Variants in ZC3H7A observed in about 807,000 individuals in gnomAD.
The protein encoded by ZC3H7A is zinc finger CCCH domain-containing protein 7A.
Under a neutral mutation model 125.5 loss-of-function variants are expected in ZC3H7A, and 44 were observed. The observed-to-expected ratio is 0.35, with a 90% confidence interval of 0.28 to 0.45. The LOEUF is 0.45. Among genes scored for constraint, ZC3H7A ranks in the 20% least tolerant of loss-of-function variants. The pLI, the probability that ZC3H7A is intolerant of heterozygous loss-of-function variation, is 1.00. For missense variants in ZC3H7A, 977 were observed against 1,170.7 expected (o/e 0.83, Z 2.41); for synonymous variants, 399 against 391.2 (o/e 1.02, Z -0.23).
At chr16:11,780,609 G>A (rs980718690) in intron 3 of ZC3H7A, among the ~76,000 whole-genome samples, 1 of 152,092 alleles carries the variant, frequency 6.6e-6, no homozygotes, top group Non-Finnish European at 1.5e-5. Context: ...TTAGACCCCA[G>A]GTCCACGTGC....
At chr16:11,781,554 A>C in intron 2 of ZC3H7A, 90 bp from the exon 3 acceptor site, 1 of 1,341,338 alleles carries the variant, frequency 7.5e-7, no homozygotes. Flanking sequence ...TGGTTCCATT[A>C]GCTTGCCACT....
intron 21 of ZC3H7A, among the ~76,000 whole-genome samples, chr16:11,755,908 T>C (rs1010185673): frequency 6.6e-6 from 1 of 152,130 alleles, no homozygotes; most frequent in East Asian, 1.9e-4. Context: ...CTCACGCTTG[T>C]AATCCCAGCA....
At chr16:11,769,164 T>C (rs2052922717) in intron 10 of ZC3H7A, 69 bp from the exon 11 acceptor site, 1 of 1,375,824 alleles carries the variant, frequency 7.3e-7, no homozygotes. Flanking sequence ...CAGGGCTTAG[T>C]AGCTTACTGG....
In ZC3H7A at chr16:11,785,346, TA is replaced by T. The variant is rs113419858; in HGVS notation, c.-34-2959del. 2.7e-3 allele frequency among the ~76,000 whole-genome samples: 368 copies of T among 134,504 alleles called. 1 individual carries two copies. The highest frequency in any genetic ancestry group is 9.1e-3 in the African/African-American group (331 of 36,306). The allele number at this position is 134,504 out of a possible 152,430, so 88.2% of individuals were successfully genotyped here. ...AGAGTGAGACCTTGCCTCGAAAAAA[TA>T]AAAAAAAAAGCAACCGGGTGTGGTG... On this transcript the variant is annotated intron_variant, in intron 1 of 22. Coordinates refer to ENST00000355758, the MANE Select transcript of ZC3H7A (RefSeq NM_014153.4).
chr16:11,784,540 GA>G (rs2053223684), intron 1 of ZC3H7A, among the ~76,000 whole-genome samples: 1 of 151,706 alleles, frequency 6.6e-6, no homozygotes, highest in East Asian at 1.9e-4. Flanking sequence ...GCAACACAGG[GA>G]GACCCCCTAT....
Position 11,776,302 on chromosome 16 carries a change from C to T in ZC3H7A, c.585+18G>A. 1 of 1,589,178 alleles carries T rather than the reference C, an allele frequency of 6.3e-7. No homozygotes were observed. The highest frequency in any genetic ancestry group is 1.2e-5 in the South Asian group (1 of 85,402). ...CCTTTAAAAAAAAATATAATTTTGACAGAAAAAATAACTTTACCTTGGTAG... is the reference window on the plus strand; with the variant it reads ...CCTTTAAAAAAAAATATAATTTTGATAGAAAAAATAACTTTACCTTGGTAG... On this transcript the variant is annotated intron_variant, in intron 7 of 22. Coordinates refer to ENST00000355758, the MANE Select transcript of ZC3H7A (RefSeq NM_014153.4).
rs578197654 is a variant in ZC3H7A, at chr16:11,751,536, C to T, written c.2727-30G>A. 4 of 1,580,152 alleles carry T rather than the reference C, an allele frequency of 2.5e-6. No homozygotes were observed. In the Admixed American group the frequency reaches 7.7e-5, roughly 30 times the overall value. ...AAGGAGAAGTCAGCTGCTCAGTGTCCATATAAGTTGTTTCTAAAAATCGTG... is the reference window on the plus strand; with the variant it reads ...AAGGAGAAGTCAGCTGCTCAGTGTCTATATAAGTTGTTTCTAAAAATCGTG... On this transcript the variant is annotated intron_variant, in intron 22 of 22. Coordinates refer to ENST00000355758, the MANE Select transcript of ZC3H7A (RefSeq NM_014153.4).
intron 1 of ZC3H7A, among the ~76,000 whole-genome samples, chr16:11,795,459 G>A (rs988972822): frequency 6.6e-6 from 1 of 152,192 alleles, no homozygotes; most frequent in African/African-American, 2.4e-5. Context: ...TATGTGGAGA[G>A]GGAGTCTCGC....
rs1202520224 is a variant in ZC3H7A at position 11,779,481 on chromosome 16, C to A, written c.109-118G>T. 4.6e-6 allele frequency: 4 copies of A among 874,414 alleles called. No homozygotes were observed. The East Asian group carries it at 8.0e-5, about 18-fold the overall frequency. The allele number at this position is 874,414 out of a possible 1,614,324, so 54.2% of individuals were successfully genotyped here. ...ACAATGTGACAGAACAGCAGCATTG[C>A]TCTAAGAAATTGTGAGATGCAGCCC... On this transcript the variant is annotated intron_variant, in intron 3 of 22. Transcript: ENST00000355758.
At chr16:11,766,376 C>A (rs550807433) in intron 13 of ZC3H7A, among the ~76,000 whole-genome samples, 1 of 151,986 alleles carries the variant, frequency 6.6e-6, no homozygotes, top group Non-Finnish European at 1.5e-5. Context: ...ACGAGCCTAA[C>A]CAACATGAAG....
chr16:11,767,386 T>C (rs2052878546), intron 13 of ZC3H7A, 31 bp downstream of exon 13: 5 of 1,451,672 alleles, frequency 3.4e-6, no homozygotes, highest in Non-Finnish European at 3.8e-6. Context: ...ACTTATGTAA[T>C]GTATACTAAT....
chr16:11,795,463 G>A (rs1596411298), intron 1 of ZC3H7A, among the ~76,000 whole-genome samples: 1 of 152,352 alleles, frequency 6.6e-6, no homozygotes, highest in African/African-American at 2.4e-5. Context: ...TGGAGAGGGA[G>A]TCTCGCTCTG....
intron 19 of ZC3H7A, chr16:11,759,400 G>A (rs1317678434): frequency 2.0e-5 from 3 of 152,160 alleles, no homozygotes; most frequent in Non-Finnish European, 2.9e-5. Flanking sequence ...GTTTTTCAGA[G>A]TTTTGGCTAA....
At position 11,765,983 on chromosome 16, in the gene ZC3H7A, A is replaced by G. The variant is rs2052850164; in HGVS notation, c.1523-298T>C. Among the ~76,000 whole-genome samples the G allele has an allele frequency of 6.6e-6, 1 of 152,186 alleles. No homozygotes were observed. The highest frequency in any genetic ancestry group is 2.1e-4 in the South Asian group (1 of 4,832). On this transcript the variant is annotated intron_variant, in intron 13 of 22. Coordinates refer to ENST00000355758, the MANE Select transcript of ZC3H7A (RefSeq NM_014153.4). The surrounding 1 kb of genome is among the most constrained non-coding windows in gnomAD (Gnocchi z 4.8). ...GACAGCCTCAAACAATGATATGCAT[A>G]TTATCTGGGGATGGATCGTATCAAC...
rs556165503 is a variant in ZC3H7A at position 11,763,221 on chromosome 16, C to T, written c.2002+257G>A. The T allele has an allele frequency of 1.0e-3, 303 of 293,376 alleles. 2 individuals carry two copies. Among genetic ancestry groups the T allele is most frequent in the Middle Eastern group, 4.0e-3 (4 of 1,006 alleles). 18.2% of individuals were successfully genotyped at this position (293,376 alleles called of 1,614,324 possible). ...CTCCCAGGTTTAAGCAATTCTCATG[C>T]CTCAGCCTCCCAAGTAGCTGGTATT... On this transcript the variant is annotated intron_variant, in intron 16 of 22. Transcript: ENST00000355758.
In ZC3H7A at chr16:11,757,204, G is replaced by A. The variant is rs146154519; in HGVS notation, c.2429-834C>T. Among the ~76,000 whole-genome samples the A allele has an allele frequency of 2.4e-3, 363 of 152,234 alleles. 1 individual carries two copies. The highest frequency in any genetic ancestry group is 8.3e-3 in the African/African-American group (346 of 41,534). On this transcript the variant is annotated intron_variant, in intron 20 of 22. Transcript: ENST00000355758. ...AGGGGAGTGGCAAAATTTGTTCCCAGCCGGGCACGGTGGCTCACGCCTGTA... is the reference window on the plus strand; with the variant it reads ...AGGGGAGTGGCAAAATTTGTTCCCAACCGGGCACGGTGGCTCACGCCTGTA...
intron 19 of ZC3H7A, among the ~76,000 whole-genome samples, chr16:11,760,874 G>A (rs979768092): frequency 6.6e-6 from 1 of 152,226 alleles, no homozygotes; most frequent in African/African-American, 2.4e-5. Flanking sequence ...CTAACTTTAA[G>A]TTAGCCTAGT....
rs150512321 is a variant in ZC3H7A at position 11,754,313 on chromosome 16, G to GAA, written c.2563-1483_2563-1482dup. On this transcript the variant is annotated intron_variant, in intron 21 of 22. Transcript: ENST00000355758. ...TCTCAAAAAAAAAAAAAAAAAGGAA[G>GAA]AAAAAAAAATATATATATATATATA... 8.0e-3 allele frequency among the ~76,000 whole-genome samples: 964 copies of GAA among 119,792 alleles called. 10 individuals are homozygous for GAA. Among genetic ancestry groups the GAA allele is most frequent in the East Asian group, 0.027 (109 of 4,068 alleles). The allele number at this position is 119,792 out of a possible 152,430, so 78.6% of individuals were successfully genotyped here. A position where few individuals can be genotyped will look rare whatever the true frequency, so the allele number is the denominator to read the frequency against.
chr16:11,776,215 A>T, intron 7 of ZC3H7A, 105 bp downstream of exon 7: 1 of 1,151,858 alleles, frequency 8.7e-7, no homozygotes, highest in Non-Finnish European at 1.3e-6. Context: ...TTGAGGAATT[A>T]AAAAGGTTCC....
Sources: gnomAD v4.1 joint callset for allele counts (sites outside exome capture counted in the v4.1 genomes callset) on GRCh38, gnomAD v4.1.1 for gene constraint, Gnocchi (gnomAD v3.1) non-coding constraint, MANE v1.5 for transcripts, NCBI Gene and HGNC (gene_info 2026-07-23, HGNC 2026-07-21) for gene names.